INSL6: variants seen among roughly 807,000 people sequenced by gnomAD.
The protein encoded by INSL6 is insulin-like peptide INSL6.
Under a neutral mutation model 9.4 loss-of-function variants are expected in INSL6, and 16 were observed. The observed-to-expected ratio is 1.70, with a 90% confidence interval of 1.15 to 2.59. The LOEUF is 2.59. INSL6 is among the 30% of genes most tolerant of loss of function. INSL6 has a pLI of 0.00. For missense variants in INSL6, 391 were observed against 257.3 expected (o/e 1.52, Z -3.56); for synonymous variants, 154 against 96.9 (o/e 1.59, Z -3.46).
the INSL6 span, among the ~76,000 whole-genome samples, chr9:5,023,715 C>T: frequency 6.6e-6 from 1 of 152,114 alleles, no homozygotes. Flanking sequence ...CAGTGTTCCT[C>T]TTGGATAATC....
chr9:5,156,323 A>C (rs994642404), intron 2 of INSL6, among the ~76,000 whole-genome samples: 1 of 152,230 alleles, frequency 6.6e-6, no homozygotes, highest in Non-Finnish European at 1.5e-5. Flanking sequence ...GCAACACTTC[A>C]CAGCTCACTT....
chr9:5,156,376 A>C (rs1260925364), intron 2 of INSL6, among the ~76,000 whole-genome samples: 2 of 152,220 alleles, frequency 1.3e-5, no homozygotes, highest in Non-Finnish European at 2.9e-5. Flanking sequence ...AGATAAAGAC[A>C]TAAAACTGTA....
the INSL6 span, chr9:5,080,789 T>C: frequency 1.0e-5 from 8 of 799,300 alleles, no homozygotes; most frequent in South Asian, 1.8e-4. Flanking sequence ...TTGATGTCAT[T>C]TGGGCCCTCT....
the INSL6 span, among the ~76,000 whole-genome samples, chr9:5,093,923 A>C: frequency 6.6e-6 from 1 of 152,138 alleles, no homozygotes; most frequent in African/African-American, 2.4e-5. Flanking sequence ...TCCTAGTATG[A>C]AAGGACAAGA....
At chr9:5,072,558 T>C in the INSL6 span, 1 of 1,611,140 alleles carries the variant, frequency 6.2e-7, no homozygotes, top group Non-Finnish European at 8.5e-7. Flanking sequence ...AGTAGGAGAC[T>C]ACGGTCAACT....
intron 3 of INSL6, chr9:5,126,537 G>A (rs544620296): frequency 1.7e-4 from 169 of 981,324 alleles, no homozygotes; most frequent in South Asian, 3.2e-4. Flanking sequence ...TTTAATGTGC[G>A]GAGCTTCCAG....
chr9:5,165,028 C>T (rs1054344229), intron 1 of INSL6, among the ~76,000 whole-genome samples: 2 of 152,092 alleles, frequency 1.3e-5, no homozygotes, highest in African/African-American at 2.4e-5. Context: ...GCCAACATGG[C>T]GAAACCCTGT....
downstream of INSL6, chr9:5,123,184 G>A (rs563956610): frequency 5.3e-5 from 60 of 1,142,484 alleles, no homozygotes; most frequent in African/African-American, 8.1e-4. Flanking sequence ...ATAAATTTAT[G>A]GGGTACAAGT....
At chr9:5,060,112 ACAGC>A in the INSL6 span, among the ~76,000 whole-genome samples, 4 of 152,230 alleles carry the variant, frequency 2.6e-5, no homozygotes, top group East Asian at 7.7e-4. Flanking sequence ...TAAGTGTGCA[ACAGC>A]ATTATGTCTT....
the INSL6 span, chr9:5,021,880 G>T: frequency 1.4e-6 from 1 of 721,348 alleles, no homozygotes; most frequent in Non-Finnish European, 2.3e-6. Context: ...CTATCTGCCC[G>T]CCTCGGCCCC....
At chr9:5,176,130 A>G (rs1359956116) in intron 1 of INSL6, among the ~76,000 whole-genome samples, 1 of 152,064 alleles carries the variant, frequency 6.6e-6, no homozygotes, top group African/African-American at 2.4e-5. Context: ...CTCCAACCAC[A>G]TTTGGACTCT....
At chr9:5,134,193 T>C (rs1228067720) in intron 2 of INSL6, among the ~76,000 whole-genome samples, 1 of 152,122 alleles carries the variant, frequency 6.6e-6, no homozygotes, top group Non-Finnish European at 1.5e-5. Context: ...TATGGGACTA[T>C]GTGAAAAGAC....
chr9:5,076,850 T>C, the INSL6 span, among the ~76,000 whole-genome samples: 1 of 152,146 alleles, frequency 6.6e-6, no homozygotes, highest in Non-Finnish European at 1.5e-5. Flanking sequence ...TATATGGAGG[T>C]ATCTGAGAGG....
chr9:5,078,399 A>C, the INSL6 span: 9 of 1,613,230 alleles, frequency 5.6e-6, no homozygotes, highest in Non-Finnish European at 7.6e-6. Flanking sequence ...TCCTTTCATC[A>C]AACTTAGTGA....
intron 3 of INSL6, among the ~76,000 whole-genome samples, chr9:5,125,778 G>A (rs1823950330): frequency 1.0e-5 from 1 of 95,354 alleles, no homozygotes; most frequent in African/African-American, 5.1e-5. Context: ...GGGTGGGTAT[G>A]TATATATGTG....
chr9:5,017,539 GTTC>G, the INSL6 span, among the ~76,000 whole-genome samples: 1 of 151,882 alleles, frequency 6.6e-6, no homozygotes, highest in Non-Finnish European at 1.5e-5. Context: ...TTTGGGCTTT[GTTC>G]TTCTTTTTCT....
intron 2 of INSL6, among the ~76,000 whole-genome samples, chr9:5,138,204 C>T (rs531676859): frequency 1.3e-5 from 2 of 152,260 alleles, no homozygotes; most frequent in African/African-American, 2.4e-5. Context: ...GTTAGAAATA[C>T]CATTTGACCC....
the INSL6 span, chr9:5,112,652 C>A: frequency 1.0e-6 from 1 of 984,174 alleles, no homozygotes; most frequent in Non-Finnish European, 1.4e-6. Flanking sequence ...CCAGACCAAA[C>A]TCCTTATCCT....
chr9:5,154,031 A>C (rs1824766920), intron 2 of INSL6, among the ~76,000 whole-genome samples: 1 of 152,206 alleles, frequency 6.6e-6, no homozygotes, highest in Non-Finnish European at 1.5e-5. Flanking sequence ...CCTATGCACA[A>C]AGAACAAAGC....
Sources: allele counts gnomAD v4.1 joint callset (sites outside exome capture counted in the v4.1 genomes callset), GRCh38; gene constraint gnomAD v4.1.1; transcripts MANE v1.5; gene names NCBI Gene and HGNC (gene_info 2026-07-23, HGNC 2026-07-21).